KLHL14: variants seen among roughly 807,000 people sequenced by gnomAD.
KLHL14 encodes the protein kelch like family member 14, also known as kelch-like protein 14.
In KLHL14, 22 loss-of-function variants were observed where a neutral mutation model predicts 64.3. The observed-to-expected ratio is 0.34, with a 90% CI of 0.24 to 0.49. The LOEUF (loss-of-function observed/expected upper bound fraction) is 0.49. Ranked by LOEUF, KLHL14 falls within the 20% of genes least tolerant of loss-of-function variation. The pLI is 0.99. For missense variants in KLHL14, 661 were observed against 789.0 expected, an observed-to-expected ratio of 0.84 and a Z score of 1.94; for synonymous variants, 322 against 333.4, an observed-to-expected ratio of 0.97 and a Z score of 0.37.
Position 32,680,483 on chromosome 18 carries a change from C to T in KLHL14, c.1355G>A (p.Arg452His), listed in dbSNP as rs762574916. The T allele has an allele frequency of 3.9e-5, 63 of 1,613,882 alleles. 1 individual carries two copies. Among genetic ancestry groups the T allele is most frequent in the East Asian group, 3.1e-4 (14 of 44,884 alleles). The change falls in exon 6 of 9, where the codon CGC (arginine) becomes CAC (histidine). Residue 452 changes from arginine to histidine, a missense_variant. Arg to His is a conservative substitution (Grantham distance 29). Around this residue, in one of 2 missense-constraint regions of KLHL14, gnomAD observed 330 missense variants for 450.0 expected, o/e 0.73. Transcript: ENST00000359358. The surrounding 1 kb of genome is among the most constrained non-coding windows in gnomAD (Gnocchi z 4.8). The stretch of plus-strand genomic sequence containing the variant: ...AGGCTGTGGCAAAGAGGACACATAG[C>T]GCCATTCATTCGTTTCTAGGTTATA... ...ECYNLETNEWRYVSSLPQPLA... is the reference protein window; with the variant it reads ...ECYNLETNEWHYVSSLPQPLA...
In KLHL14 at chr18:32,687,162, G is replaced by T. The variant is rs749053132; in HGVS notation, c.1231C>A (p.Gln411Lys). 16 of 1,612,968 alleles carry T rather than the reference G, an allele frequency of 9.9e-6. No individual in the cohort carries two copies. The highest frequency in any genetic ancestry group is 1.4e-5 in the Non-Finnish European group (16 of 1,179,100). Reference sequence around the variant, plus strand: ...CAAGAAATAAACACTTACCTTTCCTGCATGGGTGGAAGTTGAATCCAGCTA... The same window carrying T: ...CAAGAAATAAACACTTACCTTTCCTTCATGGGTGGAAGTTGAATCCAGCTA... The part of the protein sequence containing the change: ...FNSWIQLPPM[Q>K]ERRASFYACR... The change falls in exon 5 of 9, where the codon CAG becomes AAG. Residue 411 changes from glutamine (Q) to lysine (K), a missense_variant. By Grantham distance (53) the Gln-to-Lys change is moderately conservative. Around this residue, in one of 2 missense-constraint regions of KLHL14, gnomAD observed 330 missense variants for 450.0 expected, o/e 0.73. Transcript: ENST00000359358.
chr18:32,709,123 G>T (rs148924792), intron 3 of KLHL14, among the ~76,000 whole-genome samples: 1 of 152,160 alleles, frequency 6.6e-6, no homozygotes, highest in East Asian at 1.9e-4. Context: ...TTCCAGAATG[G>T]TCTGCAAAGA....
intron 2 of KLHL14, among the ~76,000 whole-genome samples, chr18:32,764,446 A>C (rs2050330158): frequency 6.6e-6 from 1 of 152,164 alleles, no homozygotes; most frequent in African/African-American, 2.4e-5. Flanking sequence ...ATGAAGACTA[A>C]TGGGGATTTT....
intron 3 of KLHL14, among the ~76,000 whole-genome samples, chr18:32,713,651 G>T (rs1598559866): frequency 6.6e-6 from 1 of 152,054 alleles, no homozygotes; most frequent in East Asian, 1.9e-4. Context: ...ATGTAAACAT[G>T]AATTATGGTG....
At position 32,770,434 on chromosome 18, in the gene KLHL14, G is replaced by C. The variant is rs774185873; in HGVS notation, c.158C>G (p.Ser53Cys). Residue 53 changes from serine (S) to cysteine (C), a missense_variant, in exon 2 of 9, where the codon TCC (serine) becomes TGC (cysteine). By Grantham distance (112) the Ser-to-Cys change is moderately radical. Transcript: ENST00000359358. This position sits in a 1 kb window ranked among gnomAD's most constrained non-coding sequence, Gnocchi z 6.7. ...QFHCHKAVLA[S>C]CSQYFRSLFS... The stretch of plus-strand genomic sequence containing the variant: ...GAGCGATCGGAAGTACTGCGAGCAG[G>C]AGGCCAGCACGGCCTTGTGGCAATG... 6.2e-7 allele frequency: 1 copy of C among 1,611,198 alleles called. No individual in the cohort carries two copies. The highest frequency in any genetic ancestry group is 1.1e-5 in the South Asian group (1 of 90,896).
At chr18:32,688,332 C>T (rs1274911920) in intron 4 of KLHL14, among the ~76,000 whole-genome samples, 1 of 152,126 alleles carries the variant, frequency 6.6e-6, no homozygotes, top group Non-Finnish European at 1.5e-5. Flanking sequence ...ATTAACTGTA[C>T]AAATATATAT....
Position 32,680,338 on chromosome 18 carries a change from AACATAG to A in KLHL14, c.1430-17_1430-12del, listed in dbSNP as rs753846369. 3 of 1,613,584 alleles carry A rather than the reference AACATAG, an allele frequency of 1.9e-6. No homozygotes were observed. The highest frequency in any genetic ancestry group is 1.7e-6 in the Non-Finnish European group (2 of 1,179,688). ...CATTGTGTACACCCCCTGTGAAATA[AACATAG>A]ACATACAAGTCAAGAGAGTGCTTTG... On this transcript the variant is annotated splice_polypyrimidine_tract_variant and intron_variant, in intron 6 of 8. Coordinates refer to ENST00000359358, the MANE Select transcript of KLHL14 (RefSeq NM_020805.3). The surrounding 1 kb of genome is among the most constrained non-coding windows in gnomAD (Gnocchi z 4.8).
chr18:32,771,417 C>T (rs2050384086), intron 1 of KLHL14, among the ~76,000 whole-genome samples: 2 of 152,208 alleles, frequency 1.3e-5, no homozygotes, highest in African/African-American at 4.8e-5. Context: ...CCCGCTTCCC[C>T]GCTTCGCAAA....
At chr18:32,679,783 G>C (rs1397604257) in intron 7 of KLHL14, among the ~76,000 whole-genome samples, 1 of 151,964 alleles carries the variant, frequency 6.6e-6, no homozygotes, top group Non-Finnish European at 1.5e-5. Context: ...TATGACTAAA[G>C]TTCCTTATGA....
chr18:32,726,782 C>A (rs12959986), intron 3 of KLHL14, among the ~76,000 whole-genome samples: 32,076 of 152,022 alleles, frequency 0.21, 3,835 homozygotes, highest in Middle Eastern at 0.28. Context: ...ATAACTGCAA[C>A]CGAGAAGACC....
chr18:32,762,692 C>T (rs1434377916), intron 2 of KLHL14, among the ~76,000 whole-genome samples: 2 of 152,118 alleles, frequency 1.3e-5, no homozygotes, highest in Non-Finnish European at 2.9e-5. Flanking sequence ...TTAAGTGATC[C>T]TCCTACCCAT....
chr18:32,690,666 T>C (rs945728918), intron 4 of KLHL14, among the ~76,000 whole-genome samples: 2 of 151,970 alleles, frequency 1.3e-5, no homozygotes, highest in African/African-American at 4.8e-5. Context: ...AAGGCGGAGG[T>C]TGCAGTGAGC....
chr18:32,680,698 G>A lies in KLHL14; in HGVS notation c.1239-99C>T. 1 of 1,169,858 alleles carries A rather than the reference G, an allele frequency of 8.5e-7. No homozygotes were observed. The highest frequency in any genetic ancestry group is 1.2e-6 in the Non-Finnish European group (1 of 840,762). The allele number at this position is 1,169,858 out of a possible 1,614,324, so 72.5% of individuals were successfully genotyped here. A position where few individuals can be genotyped will look rare whatever the true frequency, so the allele number is the denominator to read the frequency against. On this transcript the variant is annotated intron_variant, in intron 5 of 8. Transcript: ENST00000359358. This position sits in a 1 kb window ranked among gnomAD's most constrained non-coding sequence, Gnocchi z 4.8. ...CACACAGCTAGTCAGGGAAAGGGGT[G>A]CATTCTGCTTCAGAAAGGGTTGCAA...
chr18:32,735,431 C>G (rs2050160815), intron 3 of KLHL14, among the ~76,000 whole-genome samples: 1 of 152,156 alleles, frequency 6.6e-6, no homozygotes, highest in African/African-American at 2.4e-5. Flanking sequence ...ATGGCCTGGT[C>G]TCTGCCAGTG....
At chr18:32,757,609 A>T (rs2050288545) in intron 2 of KLHL14, among the ~76,000 whole-genome samples, 1 of 152,162 alleles carries the variant, frequency 6.6e-6, no homozygotes, top group African/African-American at 2.4e-5. Context: ...TTCCTAAAAT[A>T]ATTATTGTAT....
At chr18:32,729,316 C>T (rs1335720106) in intron 3 of KLHL14, among the ~76,000 whole-genome samples, 2 of 152,126 alleles carry the variant, frequency 1.3e-5, no homozygotes, top group African/African-American at 4.8e-5. Context: ...ACAGAAGCCA[C>T]TTGCCACAGG....
At chr18:32,720,539 C>A (rs1272800233) in intron 3 of KLHL14, among the ~76,000 whole-genome samples, 1 of 152,090 alleles carries the variant, frequency 6.6e-6, no homozygotes, top group African/African-American at 2.4e-5. Context: ...AGTAGTCTGC[C>A]TCAAGAAAGA....
chr18:32,727,132 C>T (rs1248501662), intron 3 of KLHL14, among the ~76,000 whole-genome samples: 3 of 152,176 alleles, frequency 2.0e-5, no homozygotes, highest in Non-Finnish European at 4.4e-5. Flanking sequence ...TTGTGAATGA[C>T]TAAATTTTAT....
At chr18:32,750,552 C>T (rs1316649654) in intron 2 of KLHL14, among the ~76,000 whole-genome samples, 1 of 152,086 alleles carries the variant, frequency 6.6e-6, no homozygotes, top group Non-Finnish European at 1.5e-5. Context: ...ACTGGACTTC[C>T]TACAATGGTA....
Sources: allele counts gnomAD v4.1 joint callset (sites outside exome capture counted in the v4.1 genomes callset), GRCh38; gene constraint gnomAD v4.1.1; regional missense constraint gnomAD v4.1.1; non-coding constraint Gnocchi (gnomAD v3.1); transcripts MANE v1.5; gene names NCBI Gene and HGNC (gene_info 2026-07-23, HGNC 2026-07-21).